Variants in CNTLN observed in about 807,000 individuals in gnomAD.
CNTLN encodes the protein centlein.
Under a neutral mutation model 180.0 loss-of-function variants are expected in CNTLN, and 212 were observed. The ratio of observed to expected loss-of-function variants is 1.18; its 90% CI spans 1.05 to 1.32. The LOEUF is 1.32. Ranked by LOEUF, CNTLN falls within the 40% of genes most tolerant of loss-of-function variation. The probability of loss-of-function intolerance (pLI) is 0.00; values close to 1 mark genes in which losing one functional copy is unlikely to be tolerated. For synonymous variants in CNTLN, 722 were observed against 563.1 expected (o/e 1.28, Z -3.99); for missense variants, 2,095 against 1,610.9 (o/e 1.30, Z -5.14).
At chr9:17,342,003 A>G (rs1356255786) in intron 11 of CNTLN, among the ~76,000 whole-genome samples, 1 of 152,042 alleles carries the variant, frequency 6.6e-6, no homozygotes, top group Non-Finnish European at 1.5e-5. Flanking sequence ...TTGCATATAG[A>G]TTTTTTTGTA....
intron 5 of CNTLN, among the ~76,000 whole-genome samples, chr9:17,237,273 TTA>T (rs201775711): frequency 0.085 from 11,885 of 139,312 alleles, 1,430 homozygotes; most frequent in African/African-American, 0.29. Context: ...ACATTTTTTT[TTA>T]AACTATAGAT....
chr9:17,251,908 A>G (rs1407033222), intron 5 of CNTLN, among the ~76,000 whole-genome samples: 3 of 151,698 alleles, frequency 2.0e-5, no homozygotes, highest in Admixed American at 2.0e-4. Flanking sequence ...TTCCCTTCCT[A>G]GTATATGGTA....
At position 17,359,717 on chromosome 9, in the gene CNTLN, T is replaced by TAAAAAAAAAAAAAAAAAAAAAAA. The variant is rs1456379699; in HGVS notation, c.1887-6895_1887-6894insAAAAAAAAAAAAAAAAAAAAAAA. On this transcript the variant is annotated intron_variant, in intron 12 of 25. Transcript: ENST00000380647. ...TAACACGGTGAAACTCCGTCTATAC[T>TAAAAAAAAAAAAAAAAAAAAAAA]AAAAATACAAAAAAAAAAAAAAAAA... Among the ~76,000 whole-genome samples the TAAAAAAAAAAAAAAAAAAAAAAA allele has an allele frequency of 2.2e-4, 3 of 13,498 alleles. 1 individual carries two copies. Among genetic ancestry groups the TAAAAAAAAAAAAAAAAAAAAAAA allele is most frequent in the Admixed American group, 2.4e-3 (2 of 842 alleles). 8.9% of individuals were successfully genotyped at this position (13,498 alleles called of 152,430 possible). A position where few individuals can be genotyped will look rare whatever the true frequency, so the allele number is the denominator to read the frequency against.
chr9:17,366,585 G>T, intron 12 of CNTLN, 32 bp from the exon 13 acceptor site: 1 of 1,075,256 alleles, frequency 9.3e-7, no homozygotes, highest in Non-Finnish European at 1.4e-6. Flanking sequence ...AAACAATATG[G>T]TTTTAAGTAA....
chr9:17,322,916 ATT>A (rs1820016090), intron 8 of CNTLN, among the ~76,000 whole-genome samples: 1 of 152,194 alleles, frequency 6.6e-6, no homozygotes, highest in African/African-American at 2.4e-5. Context: ...GCTTTTTTAT[ATT>A]CTTTATGAAT....
chr9:17,158,171 T>C (rs1023800409), intron 2 of CNTLN, among the ~76,000 whole-genome samples: 1 of 152,174 alleles, frequency 6.6e-6, no homozygotes. Context: ...GATTTTTGTT[T>C]TGTATTCTAT....
intron 2 of CNTLN, among the ~76,000 whole-genome samples, chr9:17,149,670 A>G (rs1818718065): frequency 1.3e-5 from 2 of 151,614 alleles, no homozygotes; most frequent in African/African-American, 4.8e-5. Context: ...GGCGCCCGCC[A>G]CCATGCCTGG....
intron 18 of CNTLN, among the ~76,000 whole-genome samples, chr9:17,419,540 CTATT>C (rs1407225924): frequency 2.0e-5 from 3 of 152,150 alleles, no homozygotes; most frequent in Non-Finnish European, 2.9e-5. Context: ...AGGTCATACA[CTATT>C]TAATTTAGAC....
At chr9:17,377,131 C>T (rs115454783) in intron 13 of CNTLN, among the ~76,000 whole-genome samples, 366 of 152,188 alleles carry the variant, frequency 2.4e-3, no homozygotes, top group African/African-American at 8.1e-3. Context: ...AGAATAATTT[C>T]CTCAGCTTTA....
intron 14 of CNTLN, among the ~76,000 whole-genome samples, chr9:17,394,152 AAGTT>A (rs1400402089): frequency 6.6e-6 from 1 of 152,126 alleles, no homozygotes; most frequent in African/African-American, 2.4e-5. Flanking sequence ...TATTGAAAAA[AAGTT>A]ATTTATTATT....
chr9:17,304,400 G>A (rs1339888002), intron 7 of CNTLN, among the ~76,000 whole-genome samples: 1 of 152,112 alleles, frequency 6.6e-6, no homozygotes, highest in Non-Finnish European at 1.5e-5. Flanking sequence ...ATATTGATAA[G>A]GAATTATATC....
At chr9:17,471,631 G>T (rs1775243500) in intron 23 of CNTLN, among the ~76,000 whole-genome samples, 1 of 151,992 alleles carries the variant, frequency 6.6e-6, no homozygotes, top group African/African-American at 2.4e-5. Flanking sequence ...GTTAGCTATG[G>T]ATCATTATTC....
At chr9:17,476,124 T>C (rs750126276) in intron 23 of CNTLN, among the ~76,000 whole-genome samples, 4 of 152,174 alleles carry the variant, frequency 2.6e-5, no homozygotes, top group African/African-American at 9.7e-5. Flanking sequence ...TTATTCTATC[T>C]GTTATGGTGT....
At chr9:17,485,339 T>A (rs1169822894) in intron 24 of CNTLN, among the ~76,000 whole-genome samples, 1 of 152,128 alleles carries the variant, frequency 6.6e-6, no homozygotes, top group African/African-American at 2.4e-5. Flanking sequence ...AAATCTACAA[T>A]ATGTAAAGAT....
At chr9:17,162,521 G>C (rs1819756055) in intron 2 of CNTLN, among the ~76,000 whole-genome samples, 1 of 152,172 alleles carries the variant, frequency 6.6e-6, no homozygotes, top group Middle Eastern at 3.2e-3. Context: ...ACCTTCACTA[G>C]AGATACACTA....
At position 17,366,886 on chromosome 9, in the gene CNTLN, A is replaced by T. The variant is rs529653617; in HGVS notation, c.1987+169A>T. 2.0e-5 allele frequency among the ~76,000 whole-genome samples: 3 copies of T among 152,344 alleles called. No homozygotes were observed. The South Asian group carries it at 6.2e-4, about 32-fold the overall frequency. On this transcript the variant is annotated intron_variant, in intron 13 of 25. Transcript: ENST00000380647. Reference sequence around the variant, plus strand: ...CATCCTGAGAAAATTAAATAAATAGAACATCTAAAAGTCAGCTTTGTAATT... The same window carrying T: ...CATCCTGAGAAAATTAAATAAATAGTACATCTAAAAGTCAGCTTTGTAATT...
intron 10 of CNTLN, among the ~76,000 whole-genome samples, chr9:17,339,638 A>T (rs1477358701): frequency 6.6e-6 from 1 of 152,214 alleles, no homozygotes; most frequent in African/African-American, 2.4e-5. Flanking sequence ...TGCCTCCACC[A>T]CATAAGTATA....
At chr9:17,498,672 C>G (rs1223217674) in intron 25 of CNTLN, among the ~76,000 whole-genome samples, 1 of 152,214 alleles carries the variant, frequency 6.6e-6, no homozygotes, top group Non-Finnish European at 1.5e-5. Flanking sequence ...ATGTCTAACT[C>G]TGTGCTGATA....
chr9:17,304,670 A>G (rs1171802528), intron 7 of CNTLN, among the ~76,000 whole-genome samples: 1 of 152,160 alleles, frequency 6.6e-6, no homozygotes, highest in Admixed American at 6.5e-5. Flanking sequence ...CCATTCACAG[A>G]TTCAACCAAC....
Sources: allele counts gnomAD v4.1 joint callset (sites outside exome capture counted in the v4.1 genomes callset), GRCh38; gene constraint gnomAD v4.1.1; transcripts MANE v1.5; gene names NCBI Gene and HGNC (gene_info 2026-07-23, HGNC 2026-07-21).